The following FRAS1 variants were observed in gnomAD, a reference collection of about 807,000 sequenced individuals.
The protein encoded by FRAS1 is extracellular matrix organizing protein FRAS1.
FRAS1 carries 290 observed loss-of-function variants against 435.2 expected under a neutral mutation model. The ratio of observed to expected loss-of-function variants is 0.67; its 90% CI spans 0.61 to 0.73. FRAS1 has a LOEUF of 0.73. FRAS1 is among the 30% of genes least tolerant of loss of function. The pLI is 0.00. For synonymous variants in FRAS1, 1,800 were observed against 1,851.0 expected (o/e 0.97, Z 0.71); for missense variants, 4,860 against 5,001.5 (o/e 0.97, Z 0.85).
intron 10 of FRAS1, among the ~76,000 whole-genome samples, chr4:78,280,866 T>A (rs1230057665): frequency 6.6e-6 from 1 of 152,200 alleles, no homozygotes; most frequent in African/African-American, 2.4e-5. Context: ...GGCATTATTA[T>A]TATTTTGCTG....
intron 20 of FRAS1, among the ~76,000 whole-genome samples, chr4:78,344,939 G>A (rs541624377): frequency 1.3e-5 from 2 of 152,198 alleles, no homozygotes; most frequent in East Asian, 3.9e-4. Flanking sequence ...TCTTTGTTCT[G>A]TTCTCTAAAA....
At chr4:78,447,227 G>T in intron 43 of FRAS1, among the ~76,000 whole-genome samples, 1 of 138,504 alleles carries the variant, frequency 7.2e-6, no homozygotes, top group Non-Finnish European at 1.5e-5. Flanking sequence ...TAATAATCTT[G>T]AGCCATTTTA....
At chr4:78,284,629 C>A (rs1313844819) in intron 13 of FRAS1, 81 bp downstream of exon 13, 13 of 1,335,214 alleles carry the variant, frequency 9.7e-6, no homozygotes, top group Non-Finnish European at 1.3e-5. Flanking sequence ...TAAACTGAGG[C>A]TCAGTATTGT....
chr4:78,511,400 A>G lies in FRAS1; in HGVS notation c.9907A>G (p.Ile3303Val), dbSNP rs1459021583. ...NIVTIGTDSA[I>V]CHTPVVAGTS... ...TGTTACCATTGGAACAGACAGTGCT[A>G]TCTGCCACACACCAGTGGTGGCTGG... The change falls in exon 64 of 74, where the codon ATC (isoleucine) becomes GTC (valine). Residue 3303 changes from isoleucine (I) to valine (V), a missense_variant. Transcript: ENST00000512123. 2 of 1,614,012 alleles carry G rather than the reference A, an allele frequency of 1.2e-6. No homozygotes were observed. Among genetic ancestry groups the G allele is most frequent in the Admixed American group, 1.7e-5 (1 of 60,032 alleles).
intron 14 of FRAS1, among the ~76,000 whole-genome samples, chr4:78,296,730 A>G (rs1387125381): frequency 1.3e-5 from 2 of 152,068 alleles, no homozygotes; most frequent in African/African-American, 4.8e-5. Flanking sequence ...AAGTGAGCCA[A>G]CCTTTCCTGT....
intron 2 of FRAS1, among the ~76,000 whole-genome samples, chr4:78,140,713 G>A (rs775682737): frequency 0.081 from 6,461 of 80,166 alleles, 239 homozygotes; most frequent in Admixed American, 0.13. Flanking sequence ...GCATATACGT[G>A]TGTGTATATG....
At chr4:78,058,161 T>C in intron 1 of FRAS1, 76 bp downstream of exon 1, 1 of 1,348,194 alleles carries the variant, frequency 7.4e-7, no homozygotes, top group South Asian at 1.3e-5. Flanking sequence ...ATCGTGCAGT[T>C]TAAAAATCTC....
chr4:78,421,471 G>T (rs1174651395), intron 33 of FRAS1, among the ~76,000 whole-genome samples: 1 of 152,146 alleles, frequency 6.6e-6, no homozygotes, highest in Non-Finnish European at 1.5e-5. Flanking sequence ...TTCTAGCCAT[G>T]CTGGCAGCTG....
intron 27 of FRAS1, among the ~76,000 whole-genome samples, chr4:78,380,742 C>T (rs1000242732): frequency 4.6e-5 from 7 of 152,118 alleles, no homozygotes; most frequent in African/African-American, 7.2e-5. Flanking sequence ...GGAGTTGAAA[C>T]GCTGAAACAG....
chr4:78,519,721 A>G (rs1721330084), intron 67 of FRAS1, among the ~76,000 whole-genome samples: 1 of 152,172 alleles, frequency 6.6e-6, no homozygotes, highest in Non-Finnish European at 1.5e-5. Context: ...GCAAGTGACA[A>G]ATGAGTCCTC....
intron 14 of FRAS1, among the ~76,000 whole-genome samples, chr4:78,298,861 A>G (rs1728265738): frequency 6.6e-6 from 1 of 152,202 alleles, no homozygotes. Context: ...TTGGGAGGGT[A>G]TTGAATTTCA....
At chr4:78,475,921 T>A (rs926197940) in intron 54 of FRAS1, among the ~76,000 whole-genome samples, 1 of 152,218 alleles carries the variant, frequency 6.6e-6, no homozygotes, top group South Asian at 2.1e-4. Context: ...GTTCTTCTCC[T>A]CTCACCTTCT....
intron 7 of FRAS1, 49 bp from the exon 8 acceptor site, chr4:78,266,785 T>A: frequency 7.3e-7 from 1 of 1,371,500 alleles, no homozygotes; most frequent in East Asian, 2.5e-5. Flanking sequence ...TTCTATTTGA[T>A]GTATGGGACA....
intron 2 of FRAS1, among the ~76,000 whole-genome samples, chr4:78,118,895 C>T (rs1440940989): frequency 2.0e-5 from 3 of 152,146 alleles, no homozygotes; most frequent in Admixed American, 2.0e-4. Context: ...AGAAATCACC[C>T]GTCTTCTGCA....
intron 59 of FRAS1, among the ~76,000 whole-genome samples, chr4:78,493,876 CA>C (rs1720437759): frequency 6.6e-6 from 1 of 152,120 alleles, no homozygotes; most frequent in Admixed American, 6.6e-5. Flanking sequence ...CAGTGTATGT[CA>C]AAAGTGTGTA....
chr4:78,513,279 A>G, intron 64 of FRAS1, 113 bp from the exon 65 acceptor site: 1 of 1,068,398 alleles, frequency 9.4e-7, no homozygotes, highest in Admixed American at 2.2e-5. Flanking sequence ...TTCAGGAAGA[A>G]AAAAAAATGG....
chr4:78,115,184 T>G (rs1478026242), intron 2 of FRAS1, among the ~76,000 whole-genome samples: 2 of 151,408 alleles, frequency 1.3e-5, no homozygotes, highest in African/African-American at 4.8e-5. Flanking sequence ...GAAGCCCACT[T>G]GATCATGGTG....
chr4:78,195,614 C>T (rs1390882152), intron 2 of FRAS1, among the ~76,000 whole-genome samples: 2 of 152,176 alleles, frequency 1.3e-5, no homozygotes, highest in Admixed American at 6.5e-5. Context: ...TGCTATGATC[C>T]TTGGAAAAGT....
At chr4:78,263,476 C>T (rs1327047941) in intron 6 of FRAS1, among the ~76,000 whole-genome samples, 1 of 152,188 alleles carries the variant, frequency 6.6e-6, no homozygotes, top group African/African-American at 2.4e-5. Context: ...TGAGTCTACT[C>T]CACGTTGCTT....
Sources: gnomAD v4.1 joint callset for allele counts (sites outside exome capture counted in the v4.1 genomes callset) on GRCh38, gnomAD v4.1.1 for gene constraint, MANE v1.5 for transcripts, NCBI Gene and HGNC (gene_info 2026-07-23, HGNC 2026-07-21) for gene names.